SCYL3: variants seen among roughly 807,000 people sequenced by gnomAD.
The protein encoded by SCYL3 is SCY1 like pseudokinase 3, also known as protein-associating with the carboxyl-terminal domain of ezrin.
SCYL3 carries 35 observed loss-of-function variants against 73.8 expected under a neutral mutation model. The ratio of observed to expected loss-of-function variants is 0.47; its 90% confidence interval spans 0.36 to 0.63. The LOEUF is 0.63. Among genes scored for constraint, SCYL3 ranks in the 20% least tolerant of loss-of-function variants. The probability of loss-of-function intolerance (pLI) is 0.00; values close to 1 mark genes in which losing one functional copy is unlikely to be tolerated. For missense variants in SCYL3, 712 were observed against 798.9 expected, an observed-to-expected ratio of 0.89 and a Z score of 1.31; for synonymous variants, 277 against 295.2, an observed-to-expected ratio of 0.94 and a Z score of 0.63.
intron 3 of SCYL3, among the ~76,000 whole-genome samples, chr1:169,877,638 AAAG>A (rs2102189007): frequency 1.3e-5 from 2 of 152,354 alleles, no homozygotes; most frequent in East Asian, 3.9e-4. Flanking sequence ...TTATATGCAC[AAAG>A]AACATCTCTG....
intron 11 of SCYL3, chr1:169,855,729 A>T: frequency 6.9e-7 from 1 of 1,457,172 alleles, no homozygotes; most frequent in Non-Finnish European, 9.3e-7. Context: ...AACACCCATA[A>T]GCTTATTAGT....
At position 169,888,900 on chromosome 1, in the gene SCYL3, A is replaced by C; in HGVS notation, c.-50-10T>G. ...TCAAAGCCAAGCAGATCTAAAAGAA[A>C]ACAGAAAACAATTTCAAACATTAAA... is the stretch of plus-strand genomic sequence containing the variant. On this transcript the variant is annotated splice_polypyrimidine_tract_variant and intron_variant, in intron 1 of 12. Coordinates refer to ENST00000367771, the MANE Select transcript of SCYL3 (RefSeq NM_020423.7). 1 of 1,438,136 alleles carries C rather than the reference A, an allele frequency of 7.0e-7. No individual in the cohort carries two copies. The highest frequency in any genetic ancestry group is 9.3e-7 in the Non-Finnish European group (1 of 1,075,960). 89.1% of individuals were successfully genotyped at this position (1,438,136 alleles called of 1,614,324 possible).
At chr1:169,856,071 G>T in intron 11 of SCYL3, 1 of 860,270 alleles carries the variant, frequency 1.2e-6, no homozygotes, top group Non-Finnish European at 1.8e-6. Context: ...TACATATAAA[G>T]GATAAAATGG....
chr1:169,852,881 A>G lies in SCYL3; in HGVS notation c.*832T>C. On this transcript the variant is annotated 3_prime_UTR_variant, in exon 13 of 13. Transcript: ENST00000367771. ...ATAGCAGGGGCTTTGGAAGCAACTG[A>G]GTCACTACTCCAAAAGGGTCCTGCT... 6.2e-7 allele frequency: 1 copy of G among 1,614,158 alleles called. No individual in the cohort carries two copies.
At chr1:169,868,270 T>C (rs535489016) in intron 7 of SCYL3, among the ~76,000 whole-genome samples, 1 of 152,346 alleles carries the variant, frequency 6.6e-6, no homozygotes, top group African/African-American at 2.4e-5. Context: ...CATAGGATTT[T>C]TAGTTTTAAA....
intron 2 of SCYL3, among the ~76,000 whole-genome samples, chr1:169,886,015 TA>T (rs899430108): frequency 6.6e-6 from 1 of 152,014 alleles, no homozygotes; most frequent in African/African-American, 2.4e-5. Context: ...AATAATTTCT[TA>T]AAAAGTCAAC....
In SCYL3 at chr1:169,869,020, G is replaced by A; in HGVS notation, c.645C>T (p.Ser215=). The stretch of plus-strand genomic sequence containing the variant: ...TTGAGTGCAAGGTCTGTTGAAAGCT[G>A]GAGAGAACATCCGCTGAAACTGAAA... ...LNEQVSADVL[S]SFQQTLHSTL... Residue 215 remains serine (S), a synonymous_variant, in exon 7 of 13, where the codon TCC becomes TCT. Transcript: ENST00000367771. 2 of 1,614,008 alleles carry A rather than the reference G, an allele frequency of 1.2e-6. No homozygotes were observed. The highest frequency in any genetic ancestry group is 8.5e-7 in the Non-Finnish European group (1 of 1,179,908).
intron 12 of SCYL3, 108 bp from the exon 13 acceptor site, chr1:169,853,880 A>T (rs1158472473): frequency 8.2e-6 from 10 of 1,226,382 alleles, no homozygotes; most frequent in Non-Finnish European, 1.2e-5. Context: ...TGATGCCAGA[A>T]ACACTACCTC....
chr1:169,853,874 G>A (rs1223973800), intron 12 of SCYL3, 102 bp from the exon 13 acceptor site: 2 of 1,298,542 alleles, frequency 1.5e-6, no homozygotes, highest in South Asian at 1.2e-5. Context: ...ATCTTTTGAT[G>A]CCAGAAACAC....
Position 169,854,828 on chromosome 1 carries a change from C to T in SCYL3, c.1449G>A (p.Glu483=). ...GTATGTTGACAGTTTGATTTTCAGGCTCCTCAGGTTCACTCCAGTCAGGCC... is the reference window on the plus strand; with the variant it reads ...GTATGTTGACAGTTTGATTTTCAGGTTCCTCAGGTTCACTCCAGTCAGGCC... ...EEWPDWSEPE[E]PENQTVNIQI... The change falls in exon 12 of 13, where the codon GAG becomes GAA. Residue 483 remains glutamate (E), a synonymous_variant. Transcript: ENST00000367771. The T allele has an allele frequency of 6.2e-7, 1 of 1,614,034 alleles. No homozygotes were observed. The highest frequency in any genetic ancestry group is 8.5e-7 in the Non-Finnish European group (1 of 1,179,944).
Position 169,850,398 on chromosome 1 carries a change from C to A in SCYL3, c.*3315G>T. ...ATTCTTTGTCCTATTTTTTTTTTTC[C>A]GAAATTATGTAACTGTAACCAACCT... On this transcript the variant is annotated 3_prime_UTR_variant, in exon 13 of 13. Transcript: ENST00000367771. 7.7e-7 allele frequency: 1 copy of A among 1,294,476 alleles called. No individual in the cohort carries two copies. Among genetic ancestry groups the A allele is most frequent in the Non-Finnish European group, 1.1e-6 (1 of 912,630 alleles). The allele number at this position is 1,294,476 out of a possible 1,614,324, so 80.2% of individuals were successfully genotyped here.
chr1:169,851,682 T>C lies in SCYL3; in HGVS notation c.*2031A>G. The C allele has an allele frequency of 1.0e-6, 1 of 959,864 alleles. No individual in the cohort carries two copies. Among genetic ancestry groups the C allele is most frequent in the Non-Finnish European group, 1.6e-6 (1 of 635,226 alleles). 59.5% of individuals were successfully genotyped at this position (959,864 alleles called of 1,614,324 possible). A position where few individuals can be genotyped will look rare whatever the true frequency, so the allele number is the denominator to read the frequency against. ...TAATCCAGATTATACTAAGAGTATT[T>C]ATAGATCAGTCCATGTGACTTCCAG... On this transcript the variant is annotated 3_prime_UTR_variant, in exon 13 of 13. Transcript: ENST00000367771.
chr1:169,853,712 G>C lies in SCYL3; in HGVS notation c.*1C>G. 1 of 1,613,152 alleles carries C rather than the reference G, an allele frequency of 6.2e-7. No individual in the cohort carries two copies. Among genetic ancestry groups the C allele is most frequent in the Non-Finnish European group, 8.5e-7 (1 of 1,179,610 alleles). Reference sequence around the variant, plus strand: ...TCCTAAAGTTTAACTCACATCTATTGTCACCAGTTATTATCTTCCCAGTTC... The same window carrying C: ...TCCTAAAGTTTAACTCACATCTATTCTCACCAGTTATTATCTTCCCAGTTC... On this transcript the variant is annotated 3_prime_UTR_variant, in exon 13 of 13. Transcript: ENST00000367771.
Position 169,852,602 on chromosome 1 carries a change from G to T in SCYL3, c.*1111C>A, listed in dbSNP as rs930096121. On this transcript the variant is annotated 3_prime_UTR_variant, in exon 13 of 13. Coordinates refer to ENST00000367771, the MANE Select transcript of SCYL3 (RefSeq NM_020423.7). ...GACACTGGTAGTAGCACTCTGAATT[G>T]CTATGATAAACCAAAATGCCTTTAC... is the stretch of plus-strand genomic sequence containing the variant. 1.3e-5 allele frequency: 8 copies of T among 603,038 alleles called. No individual in the cohort carries two copies. The highest frequency in any genetic ancestry group is 5.9e-5 in the Admixed American group (2 of 33,616). 37.4% of individuals were successfully genotyped at this position (603,038 alleles called of 1,614,324 possible).
Position 169,853,666 on chromosome 1 carries a change from T to TTAAAAAAAGGGAATCC in SCYL3, c.*31_*46dup. The TTAAAAAAAGGGAATCC allele has an allele frequency of 6.2e-7, 1 of 1,601,116 alleles. No homozygotes were observed. The highest frequency in any genetic ancestry group is 8.5e-7 in the Non-Finnish European group (1 of 1,172,176). On this transcript the variant is annotated 3_prime_UTR_variant, in exon 13 of 13. Transcript: ENST00000367771. ...CCTGCTTTTGAGGTATTGATTTTTT[T>TTAAAAAAAGGGAATCC]TAAAAAAAGGGAATCCTTTTTCCTA...
At chr1:169,872,913 T>C (rs1327613241) in intron 5 of SCYL3, among the ~76,000 whole-genome samples, 1 of 152,226 alleles carries the variant, frequency 6.6e-6, no homozygotes, top group East Asian at 1.9e-4. Flanking sequence ...CTTCTGATTT[T>C]ACAGGCTCAT....
chr1:169,862,069 C>G (rs183394344), intron 10 of SCYL3, among the ~76,000 whole-genome samples: 213 of 152,266 alleles, frequency 1.4e-3, no homozygotes, highest in African/African-American at 4.9e-3. Flanking sequence ...CTGTTGACAC[C>G]CTGGTTTTAG....
intron 2 of SCYL3, among the ~76,000 whole-genome samples, chr1:169,883,571 C>T (rs1174336266): frequency 1.3e-5 from 2 of 152,130 alleles, no homozygotes; most frequent in South Asian, 2.1e-4. Context: ...ATACTGAACA[C>T]CTTCTTGGAG....
In SCYL3 at chr1:169,853,617, C is replaced by T. The variant is rs1658712347; in HGVS notation, c.*96G>A. ...CTCCTGGGATGGGAAAAGCAGGCCA[C>T]TTTGGGGTTTTCTTGTCCCAAAGCC... On this transcript the variant is annotated 3_prime_UTR_variant, in exon 13 of 13. Transcript: ENST00000367771. The T allele has an allele frequency of 7.5e-7, 1 of 1,335,136 alleles. No individual in the cohort carries two copies. The highest frequency in any genetic ancestry group is 1.1e-6 in the Non-Finnish European group (1 of 947,008). 82.7% of individuals were successfully genotyped at this position (1,335,136 alleles called of 1,614,324 possible).
Sources: allele counts gnomAD v4.1 joint callset (sites outside exome capture counted in the v4.1 genomes callset), GRCh38; gene constraint gnomAD v4.1.1; transcripts MANE v1.5; gene names NCBI Gene and HGNC (gene_info 2026-07-23, HGNC 2026-07-21).